The following TSPAN3 variants were observed in gnomAD, a reference collection of about 807,000 sequenced individuals.
The protein encoded by TSPAN3 is tetraspanin 3.
A neutral mutation model predicts 31.1 loss-of-function variants in TSPAN3; 9 were observed. That is an observed-to-expected ratio of 0.29 (90% CI 0.17 to 0.50). The LOEUF (loss-of-function observed/expected upper bound fraction) is 0.50, where lower values mean the gene tolerates loss of function less well. Ranked by LOEUF, TSPAN3 falls within the 20% of genes least tolerant of loss-of-function variation. The pLI is 0.98. For missense variants in TSPAN3, 252 were observed against 313.5 expected, an observed-to-expected ratio of 0.80 and a Z score of 1.48; for synonymous variants, 129 against 114.3, an observed-to-expected ratio of 1.13 and a Z score of -0.82.
At chr15:77,056,886 T>A (rs145083346) in intron 1 of TSPAN3, among the ~76,000 whole-genome samples, 7 of 152,290 alleles carry the variant, frequency 4.6e-5, no homozygotes, top group African/African-American at 1.7e-4. Flanking sequence ...TTGAAGTGAA[T>A]AGGAATTGCC....
At position 77,043,131 on chromosome 15, in the gene TSPAN3, G is replaced by A. The variant is rs1318468097; in HGVS notation, c.*3704C>T. The A allele has an allele frequency of 6.6e-6, 1 of 152,416 alleles. No individual in the cohort carries two copies. The highest frequency in any genetic ancestry group is 2.4e-5 in the African/African-American group (1 of 41,498). The allele number at this position is 152,416 out of a possible 1,614,324, so 9.4% of individuals were successfully genotyped here. A position where few individuals can be genotyped will look rare whatever the true frequency, so the allele number is the denominator to read the frequency against. On this transcript the variant is annotated 3_prime_UTR_variant, in exon 7 of 7. Coordinates refer to ENST00000267970, the MANE Select transcript of TSPAN3 (RefSeq NM_005724.6). ...AGCTCTCTGCTCCTGTGGCTTGGCG[G>A]GGGGGCACCTCCAGTAAGTTGATTC...
chr15:77,041,825 C>T lies in TSPAN3; in HGVS notation c.*5010G>A, dbSNP rs765161855. On this transcript the variant is annotated 3_prime_UTR_variant, in exon 7 of 7. Coordinates refer to ENST00000267970, the MANE Select transcript of TSPAN3 (RefSeq NM_005724.6). ...GGTTCTATAGCATGGTGAATGTACT[C>T]AAGGCAACTTCTTTACTTTAAAATC... 1 of 152,174 alleles carries T rather than the reference C, an allele frequency of 6.6e-6. No homozygotes were observed. The highest frequency in any genetic ancestry group is 1.5e-5 in the Non-Finnish European group (1 of 68,026). 9.4% of individuals were successfully genotyped at this position (152,174 alleles called of 1,614,324 possible). A position where few individuals can be genotyped will look rare whatever the true frequency, so the allele number is the denominator to read the frequency against.
chr15:77,046,854 G>A lies in TSPAN3; in HGVS notation c.743C>T (p.Thr248Ile), dbSNP rs2076695437. The change falls in exon 7 of 7, where the codon ACT becomes ATT. Residue 248 changes from threonine (T) to isoleucine (I), a missense_variant. Thr to Ile is a moderately conservative substitution (Grantham distance 89). Transcript: ENST00000267970. Reference protein sequence around the residue: ...SRDPAYELLITGGTYA With the variant: ...SRDPAYELLIIGGTYA ...TGTCAACTATGCATAGGTTCCGCCAGTGATGAGGAGCTCGTAAGCAGGATC... is the reference window on the plus strand; with the variant it reads ...TGTCAACTATGCATAGGTTCCGCCAATGATGAGGAGCTCGTAAGCAGGATC... 1 of 1,593,112 alleles carries A rather than the reference G, an allele frequency of 6.3e-7. No homozygotes were observed. The highest frequency in any genetic ancestry group is 1.1e-5 in the South Asian group (1 of 88,348).
rs993495547 is a variant in TSPAN3, at chr15:77,070,823, C to A, written c.63+69G>T. On this transcript the variant is annotated intron_variant, in intron 1 of 6. Transcript: ENST00000267970. ...CCCGCCCAGGCCCAAGCCCGGCCCC[C>A]ACGGGCGCCTCCGCCGCGGCCTCGC... The A allele has an allele frequency of 9.2e-6, 9 of 983,184 alleles. No individual in the cohort carries two copies. The East Asian group carries it at 5.4e-4, about 59-fold the overall frequency. 60.9% of individuals were successfully genotyped at this position (983,184 alleles called of 1,614,324 possible). A position where few individuals can be genotyped will look rare whatever the true frequency, so the allele number is the denominator to read the frequency against.
rs78425771 is a variant in TSPAN3 at position 77,042,922 on chromosome 15, A to T, written c.*3913T>A. On this transcript the variant is annotated 3_prime_UTR_variant, in exon 7 of 7. Coordinates refer to ENST00000267970, the MANE Select transcript of TSPAN3 (RefSeq NM_005724.6). ...TACTCATTTATTGCCTCTTAACTCC[A>T]AATTTCCCTGACCTTGCCCTTCCTT... 2.6e-5 allele frequency: 4 copies of T among 152,074 alleles called. No homozygotes were observed. The highest frequency in any genetic ancestry group is 9.7e-5 in the African/African-American group (4 of 41,372). 9.4% of individuals were successfully genotyped at this position (152,074 alleles called of 1,614,324 possible).
At chr15:77,062,085 A>C (rs2076804241) in intron 1 of TSPAN3, among the ~76,000 whole-genome samples, 1 of 152,228 alleles carries the variant, frequency 6.6e-6, no homozygotes, top group African/African-American at 2.4e-5. Context: ...GCAGGAATCC[A>C]TCTTATGCAT....
At chr15:77,062,846 T>C (rs1271587864) in intron 1 of TSPAN3, among the ~76,000 whole-genome samples, 3 of 152,212 alleles carry the variant, frequency 2.0e-5, no homozygotes, top group Non-Finnish European at 4.4e-5. Context: ...TGAAATATTT[T>C]CTTAAAGCAT....
intron 3 of TSPAN3, 116 bp downstream of exon 3, chr15:77,055,673 T>C: frequency 1.3e-6 from 1 of 796,718 alleles, no homozygotes; most frequent in Non-Finnish European, 2.0e-6. Flanking sequence ...GAAATACAGA[T>C]TAAACAAGTA....
intron 1 of TSPAN3, among the ~76,000 whole-genome samples, chr15:77,060,954 CTAAAT>C (rs1425800220): frequency 1.3e-5 from 2 of 152,184 alleles, no homozygotes; most frequent in Admixed American, 6.5e-5. Context: ...AGCCTATACT[CTAAAT>C]TAAGTCACAA....
Position 77,052,876 on chromosome 15 carries a change from G to C in TSPAN3, c.486C>G (p.Phe162Leu). ...NYSDWENTDW[F>L]KETKNQSVPL... ...GGACACTCTGGTTTTTGGTTTCTTT[G>C]AACCAATCTGTATTTTCCCAGTCTG... is the stretch of plus-strand genomic sequence containing the variant. The change falls in exon 5 of 7, where the codon TTC (phenylalanine) becomes TTG (leucine). Residue 162 changes from phenylalanine (F) to leucine (L), a missense_variant. Phe to Leu is a conservative substitution (Grantham distance 22). Transcript: ENST00000267970. The C allele has an allele frequency of 6.2e-7, 1 of 1,613,964 alleles. No homozygotes were observed. The highest frequency in any genetic ancestry group is 8.5e-7 in the Non-Finnish European group (1 of 1,179,930).
chr15:77,050,400 G>C (rs1269013037), intron 6 of TSPAN3, among the ~76,000 whole-genome samples: 1 of 152,050 alleles, frequency 6.6e-6, no homozygotes, highest in Non-Finnish European at 1.5e-5. Context: ...ACTTAAGTCA[G>C]GGTGACTTAA....
chr15:77,041,483 C>G lies in TSPAN3; in HGVS notation c.*5352G>C, dbSNP rs1277839666. On this transcript the variant is annotated 3_prime_UTR_variant, in exon 7 of 7. Transcript: ENST00000267970. ...TCACTGCAACCTCTGCCTCCCGGTTCAAGCGATTCTCCTGCCTCAGCCTCC... is the reference window on the plus strand; with the variant it reads ...TCACTGCAACCTCTGCCTCCCGGTTGAAGCGATTCTCCTGCCTCAGCCTCC... 1 of 150,834 alleles carries G rather than the reference C, an allele frequency of 6.6e-6. No individual in the cohort carries two copies. The highest frequency in any genetic ancestry group is 1.5e-5 in the Non-Finnish European group (1 of 67,940). The allele number at this position is 150,834 out of a possible 1,614,324, so 9.3% of individuals were successfully genotyped here. A position where few individuals can be genotyped will look rare whatever the true frequency, so the allele number is the denominator to read the frequency against.
intron 1 of TSPAN3, among the ~76,000 whole-genome samples, chr15:77,063,023 A>C (rs2076809449): frequency 1.3e-5 from 2 of 152,218 alleles, no homozygotes; most frequent in Non-Finnish European, 2.9e-5. Flanking sequence ...TATTACTTGC[A>C]TAATTAGAAT....
chr15:77,046,909 C>T lies in TSPAN3; in HGVS notation c.688G>A (p.Ala230Thr). 1 of 1,584,460 alleles carries T rather than the reference C, an allele frequency of 6.3e-7. No homozygotes were observed. Among genetic ancestry groups the T allele is most frequent in the Non-Finnish European group, 8.6e-7 (1 of 1,162,240 alleles). ...CTCCTTCTGCACAACACGATGCAAGCACACAGCATGCCCAGCAGCTGTTGA... is the reference window on the plus strand; with the variant it reads ...CTCCTTCTGCACAACACGATGCAAGTACACAGCATGCCCAGCAGCTGTTGA... ...AAIQLLGMLC[A>T]CIVLCRRSRD... Residue 230 changes from alanine to threonine, a missense_variant, in exon 7 of 7, where the codon GCT becomes ACT. By Grantham distance (58) the Ala-to-Thr change is moderately conservative. Coordinates refer to ENST00000267970, the MANE Select transcript of TSPAN3 (RefSeq NM_005724.6).
chr15:77,052,644 T>A, intron 5 of TSPAN3, 133 bp downstream of exon 5: 1 of 1,138,988 alleles, frequency 8.8e-7, no homozygotes, highest in South Asian at 1.5e-5. Context: ...ATGCATTTTA[T>A]AATAATTTAC....
chr15:77,065,040 C>A (rs1415763736), intron 1 of TSPAN3: 1 of 152,214 alleles, frequency 6.6e-6, no homozygotes, highest in Non-Finnish European at 1.5e-5. Flanking sequence ...GTAATTTGAA[C>A]ATAGCAAGTA....
Position 77,044,818 on chromosome 15 carries a change from A to G in TSPAN3, c.*2017T>C, listed in dbSNP as rs981676197. 1 of 152,186 alleles carries G rather than the reference A, an allele frequency of 6.6e-6. No individual in the cohort carries two copies. Among genetic ancestry groups the G allele is most frequent in the Non-Finnish European group, 1.5e-5 (1 of 68,084 alleles). The allele number at this position is 152,186 out of a possible 1,614,324, so 9.4% of individuals were successfully genotyped here. A position where few individuals can be genotyped will look rare whatever the true frequency, so the allele number is the denominator to read the frequency against. On this transcript the variant is annotated 3_prime_UTR_variant, in exon 7 of 7. Coordinates refer to ENST00000267970, the MANE Select transcript of TSPAN3 (RefSeq NM_005724.6). ...CCTCAGGGCCAGCCTGTGACAGGGT[A>G]CCCACAGGATGGTTCATATTGAAAA...
chr15:77,053,219 G>A (rs1360810839), intron 4 of TSPAN3, among the ~76,000 whole-genome samples: 1 of 151,858 alleles, frequency 6.6e-6, no homozygotes, highest in Non-Finnish European at 1.5e-5. Flanking sequence ...TGCCAGGCCG[G>A]GTGCAGTGGC....
intron 1 of TSPAN3, chr15:77,064,602 A>G (rs1484565056): frequency 1.3e-5 from 2 of 152,242 alleles, no homozygotes; most frequent in African/African-American, 4.8e-5. Flanking sequence ...CAGGGCCACA[A>G]GGCTCTTGGT....
Sources: gnomAD v4.1 joint callset for allele counts (sites outside exome capture counted in the v4.1 genomes callset) on GRCh38, gnomAD v4.1.1 for gene constraint, MANE v1.5 for transcripts, NCBI Gene and HGNC (gene_info 2026-07-23, HGNC 2026-07-21) for gene names.